Variants in UTRN observed in about 807,000 individuals in gnomAD.
UTRN encodes dystrophin-related protein 1.
A neutral mutation model predicts 463.9 loss-of-function variants in UTRN; 283 were observed. That is an observed-to-expected ratio of 0.61 (90% confidence interval 0.55 to 0.67). The LOEUF (loss-of-function observed/expected upper bound fraction) is 0.67, where lower values mean the gene tolerates loss of function less well. UTRN is among the 30% of genes least tolerant of loss of function. UTRN has a pLI of 0.00. For missense variants in UTRN, 3,922 were observed against 4,084.3 expected, an observed-to-expected ratio of 0.96 and a Z score of 1.08; for synonymous variants, 1,442 against 1,431.5, an observed-to-expected ratio of 1.01 and a Z score of -0.17.
At chr6:144,699,999 T>G (rs1784420878) in intron 52 of UTRN, 88 bp from the exon 53 acceptor site, 80 of 1,349,502 alleles carry the variant, frequency 5.9e-5, no homozygotes, top group Non-Finnish European at 7.4e-5. Flanking sequence ...TCAGATAAGA[T>G]TATTATGCTA....
chr6:144,413,960 C>T (rs112576162), intron 3 of UTRN, among the ~76,000 whole-genome samples: 5,317 of 152,060 alleles, frequency 0.035, 287 homozygotes, highest in African/African-American at 0.11. Flanking sequence ...TGTGCCACCA[C>T]GACTGGCTAA....
At chr6:144,847,190 A>C (rs1782093941) in intron 74 of UTRN, among the ~76,000 whole-genome samples, 1 of 152,176 alleles carries the variant, frequency 6.6e-6, no homozygotes, top group Non-Finnish European at 1.5e-5. Flanking sequence ...GGTACCACAG[A>C]GGTGGTTTTG....
At chr6:144,339,467 C>CAA (rs1562266105) in intron 2 of UTRN, among the ~76,000 whole-genome samples, 6 of 151,870 alleles carry the variant, frequency 4.0e-5, no homozygotes, top group African/African-American at 1.5e-4. Flanking sequence ...TGTGAATTGT[C>CAA]TGGTTTTCAT....
intron 2 of UTRN, among the ~76,000 whole-genome samples, chr6:144,318,302 A>G (rs1029928056): frequency 2.6e-5 from 4 of 151,850 alleles, no homozygotes; most frequent in Admixed American, 2.0e-4. Flanking sequence ...TTATTTATTT[A>G]TTTATTTTCT....
intron 66 of UTRN, among the ~76,000 whole-genome samples, chr6:144,824,568 TTATTTATATATATATA>T (rs1305638076): frequency 0.021 from 1,415 of 68,940 alleles, 108 homozygotes; most frequent in East Asian, 0.058. Flanking sequence ...ATATAGCATT[TTATTTATATATATATA>T]TATATATATA....
chr6:144,386,343 A>T (rs9484871), intron 2 of UTRN, among the ~76,000 whole-genome samples: 11,968 of 152,096 alleles, frequency 0.079, 1,568 homozygotes, highest in African/African-American at 0.27. Flanking sequence ...CATGCCCTCC[A>T]GGTACCTGGG....
chr6:144,728,096 A>C (rs1788093902), intron 53 of UTRN, among the ~76,000 whole-genome samples: 1 of 106,290 alleles, frequency 9.4e-6, no homozygotes, highest in African/African-American at 6.7e-5. Flanking sequence ...GTAAGACTCC[A>C]TCTCAAAAAA....
chr6:144,657,250 C>CAAAAAAAAAAAAAAAAAAAAAAAAAAAA (rs11400052), intron 51 of UTRN, among the ~76,000 whole-genome samples: 1 of 68,860 alleles, frequency 1.5e-5, no homozygotes, highest in African/African-American at 4.8e-5. Flanking sequence ...AACTCCATCT[C>CAAAAAAAAAAAAAAAAAAAAAAAAAAAA]AAAAAAAAAA....
chr6:144,493,497 C>T, intron 33 of UTRN, 41 bp downstream of exon 33: 1 of 1,554,714 alleles, frequency 6.4e-7, no homozygotes, highest in South Asian at 1.2e-5. Context: ...CTGTCTCTCT[C>T]TCTCTCTCTC....
At chr6:144,432,951 A>G (rs1368784585) in intron 9 of UTRN, among the ~76,000 whole-genome samples, 1 of 152,138 alleles carries the variant, frequency 6.6e-6, no homozygotes, top group Non-Finnish European at 1.5e-5. Context: ...CCCTTAATCC[A>G]TTTAACCCTG....
intron 2 of UTRN, among the ~76,000 whole-genome samples, chr6:144,297,154 G>A (rs985947428): frequency 1.3e-5 from 2 of 152,022 alleles, no homozygotes; most frequent in East Asian, 1.9e-4. Context: ...GTCCTGGTCC[G>A]ATGCCCAGAT....
At chr6:144,361,938 T>C (rs959212133) in intron 2 of UTRN, among the ~76,000 whole-genome samples, 1 of 152,120 alleles carries the variant, frequency 6.6e-6, no homozygotes, top group Non-Finnish European at 1.5e-5. Context: ...GAGACACAAG[T>C]CAATTCCTGG....
intron 27 of UTRN, among the ~76,000 whole-genome samples, chr6:144,484,723 G>T (rs542088764): frequency 6.6e-6 from 1 of 152,056 alleles, no homozygotes; most frequent in South Asian, 2.1e-4. Context: ...GATTACAGGT[G>T]TGAACCACCG....
intron 52 of UTRN, among the ~76,000 whole-genome samples, chr6:144,688,497 A>G (rs1056369343): frequency 6.6e-6 from 1 of 152,104 alleles, no homozygotes; most frequent in African/African-American, 2.4e-5. Context: ...GCAGAAAACT[A>G]TTTATTCTAA....
At chr6:144,576,615 G>A (rs1021916601) in intron 50 of UTRN, among the ~76,000 whole-genome samples, 1 of 152,022 alleles carries the variant, frequency 6.6e-6, no homozygotes, top group African/African-American at 2.4e-5. Context: ...CTGACTGTAG[G>A]AGTATTTGTT....
intron 13 of UTRN, among the ~76,000 whole-genome samples, chr6:144,441,576 C>T (rs113232716): frequency 3.3e-5 from 5 of 152,278 alleles, no homozygotes; most frequent in South Asian, 2.1e-4. Context: ...TGAGTGTCTG[C>T]GGCTTTTCCA....
At chr6:144,695,335 C>T (rs560858164) in intron 52 of UTRN, among the ~76,000 whole-genome samples, 8 of 151,860 alleles carry the variant, frequency 5.3e-5, no homozygotes, top group African/African-American at 1.9e-4. Context: ...CTTTGGATAG[C>T]CATGATTAAA....
At chr6:144,810,960 TC>T (rs1778552468) in intron 65 of UTRN, among the ~76,000 whole-genome samples, 1 of 152,184 alleles carries the variant, frequency 6.6e-6, no homozygotes, top group Non-Finnish European at 1.5e-5. Context: ...AGCAAGAGGT[TC>T]AACTGTATTC....
chr6:144,553,705 A>G (rs111593499), intron 48 of UTRN, among the ~76,000 whole-genome samples: 3,157 of 152,208 alleles, frequency 0.021, 128 homozygotes, highest in African/African-American at 0.071. Flanking sequence ...TCACGAGGTC[A>G]GGAGTTCGAG....
Sources: gnomAD v4.1 joint callset for allele counts (sites outside exome capture counted in the v4.1 genomes callset) on GRCh38, gnomAD v4.1.1 for gene constraint, MANE v1.5 for transcripts, NCBI Gene and HGNC (gene_info 2026-07-23, HGNC 2026-07-21) for gene names.